The following UGT1A8 variants were observed in gnomAD, a reference collection of about 807,000 sequenced individuals.
UGT1A8 encodes UDP-glucuronosyltransferase 1A8.
Under a neutral mutation model 45.3 loss-of-function variants are expected in UGT1A8, and 39 were observed. The ratio of observed to expected loss-of-function variants is 0.86; its 90% CI spans 0.67 to 1.12. The LOEUF (loss-of-function observed/expected upper bound fraction) is 1.12, where lower values mean the gene tolerates loss of function less well. Among genes scored for constraint, UGT1A8 ranks in the 50% most tolerant of loss-of-function variants. The pLI, the probability that UGT1A8 is intolerant of heterozygous loss-of-function variation, is 0.00. For synonymous variants in UGT1A8, 275 were observed against 249.2 expected (o/e 1.10, Z -0.97); for missense variants, 719 against 664.9 (o/e 1.08, Z -0.90).
At chr2:233,655,806 C>T (rs17864680) in intron 1 of UGT1A8, among the ~76,000 whole-genome samples, 4,727 of 152,284 alleles carry the variant, frequency 0.031, 116 homozygotes, top group Non-Finnish European at 0.046. Context: ...TGAGCCCCAG[C>T]CATTCTCTTA....
chr2:233,628,002 C>G (rs1466004457), intron 1 of UGT1A8, among the ~76,000 whole-genome samples: 1 of 151,976 alleles, frequency 6.6e-6, no homozygotes, highest in East Asian at 1.9e-4. Flanking sequence ...TGTTATATCA[C>G]ATGCACTTAA....
At chr2:233,703,860 T>A (rs1410590992) in intron 1 of UGT1A8, among the ~76,000 whole-genome samples, 1 of 152,144 alleles carries the variant, frequency 6.6e-6, no homozygotes, top group African/African-American at 2.4e-5. Context: ...CTATTATTGA[T>A]GTAGATGGAA....
intron 1 of UGT1A8, among the ~76,000 whole-genome samples, chr2:233,761,639 G>A (rs1340532947): frequency 3.9e-5 from 6 of 152,230 alleles, no homozygotes; most frequent in Non-Finnish European, 5.9e-5. Context: ...CCTGCAGTCC[G>A]TTCTCTTCTA....
intron 1 of UGT1A8, chr2:233,760,407 G>A (rs749423657): frequency 4.3e-6 from 7 of 1,614,102 alleles, no homozygotes; most frequent in Non-Finnish European, 5.9e-6. Context: ...GCAGCCACTG[G>A]CTGAGCATGC....
chr2:233,764,038 A>G (rs1698463579), intron 1 of UGT1A8, among the ~76,000 whole-genome samples: 1 of 152,218 alleles, frequency 6.6e-6, no homozygotes, highest in East Asian at 1.9e-4. Flanking sequence ...CTAAAGAAGA[A>G]TTCTGGGAAA....
intron 1 of UGT1A8, among the ~76,000 whole-genome samples, chr2:233,660,707 G>A (rs1041764122): frequency 1.3e-5 from 2 of 152,060 alleles, no homozygotes; most frequent in African/African-American, 2.4e-5. Context: ...CCTCGTGCCC[G>A]CTTCTCTTCC....
At position 233,765,222 on chromosome 2, in the gene UGT1A8, C is replaced by A. The variant is rs528641835; in HGVS notation, c.856-1812C>A. On this transcript the variant is annotated intron_variant, in intron 1 of 4. Transcript: ENST00000373450. ...TAGTGCCCTCAGTATTCTTTGCAAA[C>A]ATAAAACCATAGACTCAGTAATCCC... Among the ~76,000 whole-genome samples, 51 of 152,262 alleles carry A rather than the reference C, an allele frequency of 3.3e-4. 1 individual carries two copies. The South Asian group carries it at 4.4e-3, about 13-fold the overall frequency.
intron 1 of UGT1A8, among the ~76,000 whole-genome samples, chr2:233,694,360 T>C (rs751407402): frequency 6.6e-6 from 1 of 152,042 alleles, no homozygotes; most frequent in Non-Finnish European, 1.5e-5. Context: ...GAGCTAAGAA[T>C]GGTTTTTGTA....
At chr2:233,697,756 T>A (rs974445087) in intron 1 of UGT1A8, among the ~76,000 whole-genome samples, 2 of 152,164 alleles carry the variant, frequency 1.3e-5, no homozygotes, top group Non-Finnish European at 2.9e-5. Flanking sequence ...GCCCATAGAT[T>A]TTGATACATT....
intron 1 of UGT1A8, among the ~76,000 whole-genome samples, chr2:233,764,876 A>G (rs1378500695): frequency 1.5e-5 from 2 of 134,982 alleles, no homozygotes; most frequent in Non-Finnish European, 3.3e-5. Flanking sequence ...AGCCCAAGGG[A>G]AAAGGCAAAG....
intron 1 of UGT1A8, chr2:233,760,371 G>C (rs995864584): frequency 6.2e-7 from 1 of 1,614,040 alleles, no homozygotes. Flanking sequence ...CCCATGCTGG[G>C]AAGATACTGT....
At chr2:233,695,143 T>TTTTTTTTG in intron 1 of UGT1A8, among the ~76,000 whole-genome samples, 1 of 151,230 alleles carries the variant, frequency 6.6e-6, no homozygotes, top group Non-Finnish European at 1.5e-5. Context: ...TTTTTTTTTT[T>TTTTTTTTG]TGAGACAGAG....
At chr2:233,756,303 C>T (rs529039026) in intron 1 of UGT1A8, 7 of 152,196 alleles carry the variant, frequency 4.6e-5, no homozygotes, top group African/African-American at 9.7e-5. Context: ...TTGTATATAA[C>T]CTACCCATAT....
chr2:233,648,796 A>G (rs2073668357), intron 1 of UGT1A8: 2 of 916,576 alleles, frequency 2.2e-6, no homozygotes, highest in South Asian at 1.3e-5. Context: ...GAGAGTAAGG[A>G]ACCACATCTT....
intron 1 of UGT1A8, among the ~76,000 whole-genome samples, chr2:233,665,140 A>G (rs2074046606): frequency 1.3e-5 from 2 of 152,182 alleles, no homozygotes; most frequent in Admixed American, 6.5e-5. Flanking sequence ...ATTGTTCTTT[A>G]CTTTGCATTT....
rs141722873 is a variant in UGT1A8, at chr2:233,659,579, G to T, written c.855+41017G>T. Among the ~76,000 whole-genome samples, 34 of 152,270 alleles carry T rather than the reference G, an allele frequency of 2.2e-4. No homozygotes were observed. The East Asian group carries it at 6.0e-3, about 27-fold the overall frequency. On this transcript the variant is annotated intron_variant, in intron 1 of 4. Transcript: ENST00000373450. ...GAGTAGGCTGAGGAGGAAGAGGAGG[G>T]GTTGGTCTTGCTTTTTCAGGGATGG...
At chr2:233,685,588 G>T (rs17864689) in intron 1 of UGT1A8, among the ~76,000 whole-genome samples, 5,777 of 152,230 alleles carry the variant, frequency 0.038, 136 homozygotes, top group Non-Finnish European at 0.059. Flanking sequence ...CAAGCCCAAG[G>T]CCTCCCTCCA....
At chr2:233,675,149 T>G (rs565544534) in intron 1 of UGT1A8, among the ~76,000 whole-genome samples, 1 of 152,224 alleles carries the variant, frequency 6.6e-6, no homozygotes, top group Non-Finnish European at 1.5e-5. Context: ...TCCAGGGGAA[T>G]TACATCCAGG....
intron 1 of UGT1A8, among the ~76,000 whole-genome samples, chr2:233,633,349 C>G (rs878917451): frequency 1.3e-5 from 2 of 152,168 alleles, no homozygotes; most frequent in African/African-American, 4.8e-5. Flanking sequence ...AGGAGTCCCT[C>G]TTTTTCTATT....
Sources: allele counts gnomAD v4.1 joint callset (sites outside exome capture counted in the v4.1 genomes callset), GRCh38; gene constraint gnomAD v4.1.1; transcripts MANE v1.5; gene names NCBI Gene and HGNC (gene_info 2026-07-23, HGNC 2026-07-21).